Variants in FOXN2 observed in about 807,000 individuals in gnomAD.
FOXN2 encodes the protein forkhead box protein N2.
Under a neutral mutation model 41.2 loss-of-function variants are expected in FOXN2, and 19 were observed. The ratio of observed to expected loss-of-function variants is 0.46; its 90% CI spans 0.32 to 0.68. The LOEUF (loss-of-function observed/expected upper bound fraction) is 0.68. Among genes scored for constraint, FOXN2 ranks in the 30% least tolerant of loss-of-function variants. The pLI is 0.03. For missense variants in FOXN2, 587 were observed against 509.4 expected (o/e 1.15, Z -1.47); for synonymous variants, 195 against 176.8 (o/e 1.10, Z -0.82).
At chr2:48,345,809 A>G (rs1290180993) in intron 2 of FOXN2, among the ~76,000 whole-genome samples, 1 of 152,180 alleles carries the variant, frequency 6.6e-6, no homozygotes, top group Non-Finnish European at 1.5e-5. Context: ...TATATAGTAA[A>G]ATCATAGATT....
At chr2:48,360,302 A>G (rs1672086598) in intron 4 of FOXN2, among the ~76,000 whole-genome samples, 1 of 152,300 alleles carries the variant, frequency 6.6e-6, no homozygotes, top group Non-Finnish European at 1.5e-5. Flanking sequence ...TATAATGGCT[A>G]ACTTGTTTTT....
chr2:48,336,437 G>GTA (rs1312491760), intron 2 of FOXN2, among the ~76,000 whole-genome samples: 1 of 143,468 alleles, frequency 7.0e-6, no homozygotes. Context: ...ATATGTATAT[G>GTA]TGTGTGTGTG....
intron 3 of FOXN2, among the ~76,000 whole-genome samples, chr2:48,355,381 A>G (rs1278629618): frequency 6.6e-6 from 1 of 152,168 alleles, no homozygotes; most frequent in Non-Finnish European, 1.5e-5. Flanking sequence ...AAAAGGGATA[A>G]ATATAGAAAT....
chr2:48,330,388 G>A (rs1328166190), intron 2 of FOXN2, among the ~76,000 whole-genome samples: 3 of 152,168 alleles, frequency 2.0e-5, no homozygotes, highest in Non-Finnish European at 2.9e-5. Flanking sequence ...TAATTGCTAT[G>A]CAGCTTCCAT....
In FOXN2 at chr2:48,373,284, CT is replaced by C. The variant is rs1166979590; in HGVS notation, c.704-4del. Reference sequence around the variant, plus strand: ...GAACATTAATATTATTACTTTTTCCCTTTTCAGAATCTGATATTGATGCTGC... The same window carrying C: ...GAACATTAATATTATTACTTTTTCCCTTTCAGAATCTGATATTGATGCTGC... On this transcript the variant is annotated splice_polypyrimidine_tract_variant and splice_region_variant and intron_variant, in intron 5 of 6. Coordinates refer to ENST00000340553, the MANE Select transcript of FOXN2 (RefSeq NM_002158.4). The C allele has an allele frequency of 6.3e-7, 1 of 1,577,090 alleles. No individual in the cohort carries two copies. Among genetic ancestry groups the C allele is most frequent in the South Asian group, 1.1e-5 (1 of 88,022 alleles).
intron 1 of FOXN2, among the ~76,000 whole-genome samples, chr2:48,327,486 C>T (rs566162675): frequency 1.3e-5 from 2 of 151,906 alleles, no homozygotes; most frequent in Non-Finnish European, 2.9e-5. Flanking sequence ...ACTCTTATTG[C>T]CCAGGCTGCA....
At chr2:48,354,767 T>A (rs780681214) in intron 3 of FOXN2, among the ~76,000 whole-genome samples, 2 of 151,860 alleles carry the variant, frequency 1.3e-5, no homozygotes, top group Non-Finnish European at 2.9e-5. Flanking sequence ...AATAGAAAAA[T>A]GGGCAAGTAT....
At chr2:48,353,653 C>T (rs1297049348) in intron 3 of FOXN2, among the ~76,000 whole-genome samples, 3 of 150,934 alleles carry the variant, frequency 2.0e-5, no homozygotes, top group Non-Finnish European at 4.4e-5. Context: ...TTTAAAAGCT[C>T]AGCATCTTTT....
At chr2:48,323,846 TTATAG>T (rs1669495610) in intron 1 of FOXN2, among the ~76,000 whole-genome samples, 1 of 152,170 alleles carries the variant, frequency 6.6e-6, no homozygotes, top group African/African-American at 2.4e-5. Context: ...TCTAGAATTT[TTATAG>T]TATAGTTTCA....
chr2:48,365,085 G>A (rs7562816), intron 5 of FOXN2, among the ~76,000 whole-genome samples: 61,153 of 151,976 alleles, frequency 0.4, 12,694 homozygotes, highest in Non-Finnish European at 0.46. Context: ...TTTGGAGCCT[G>A]GAGACATTTT....
intron 5 of FOXN2, among the ~76,000 whole-genome samples, chr2:48,372,323 C>G (rs1672955896): frequency 6.6e-6 from 1 of 152,110 alleles, no homozygotes; most frequent in Non-Finnish European, 1.5e-5. Flanking sequence ...GAAAACAAGT[C>G]ATTATCTTCA....
intron 5 of FOXN2, among the ~76,000 whole-genome samples, chr2:48,364,905 C>T (rs572051300): frequency 3.7e-4 from 56 of 152,304 alleles, no homozygotes; most frequent in African/African-American, 1.2e-3. Flanking sequence ...TTTGTCATCC[C>T]TCAAATTAGA....
intron 3 of FOXN2, among the ~76,000 whole-genome samples, chr2:48,349,976 C>A (rs938144674): frequency 1.3e-5 from 2 of 152,256 alleles, no homozygotes; most frequent in Non-Finnish European, 2.9e-5. Flanking sequence ...GAGTCTGCAT[C>A]CACTAGCTAG....
intron 1 of FOXN2, among the ~76,000 whole-genome samples, chr2:48,317,340 T>A (rs923566406): frequency 6.6e-6 from 1 of 151,540 alleles, no homozygotes; most frequent in Non-Finnish European, 1.5e-5. Flanking sequence ...TCCCAGCTAC[T>A]CGTGAGGCTG....
At chr2:48,332,561 C>A (rs1670081788) in intron 2 of FOXN2, among the ~76,000 whole-genome samples, 1 of 152,200 alleles carries the variant, frequency 6.6e-6, no homozygotes, top group African/African-American at 2.4e-5. Flanking sequence ...TGAGGGAGAT[C>A]TATCCTTAAC....
At chr2:48,342,828 C>T (rs963963290) in intron 2 of FOXN2, among the ~76,000 whole-genome samples, 3 of 152,134 alleles carry the variant, frequency 2.0e-5, no homozygotes, top group Non-Finnish European at 2.9e-5. Flanking sequence ...AAGATAATGT[C>T]AGCACTTGGT....
Position 48,371,943 on chromosome 2 carries a change from T to G in FOXN2, c.704-1349T>G, listed in dbSNP as rs187850194. On this transcript the variant is annotated intron_variant, in intron 5 of 6. Coordinates refer to ENST00000340553, the MANE Select transcript of FOXN2 (RefSeq NM_002158.4). ...AAGAGTTTTTTGGTAGAATCTTTAG[T>G]TTTTTCTATATATAAGATCATGTTG... Among the ~76,000 whole-genome samples the G allele has an allele frequency of 2.0e-5, 3 of 152,272 alleles. No homozygotes were observed. In the East Asian group the frequency reaches 5.8e-4, roughly 29 times the overall value.
At chr2:48,315,624 T>TGCA (rs1338464472) in intron 1 of FOXN2, among the ~76,000 whole-genome samples, 2 of 152,248 alleles carry the variant, frequency 1.3e-5, no homozygotes, top group Non-Finnish European at 2.9e-5. Context: ...TTTGCCCCAC[T>TGCA]GCAGCAGCAG....
At position 48,359,213 on chromosome 2, in the gene FOXN2, T is replaced by G. The variant is rs1672008446; in HGVS notation, c.638+66T>G. 9 of 1,085,402 alleles carry G rather than the reference T, an allele frequency of 8.3e-6. No individual in the cohort carries two copies. In the South Asian group the frequency reaches 1.2e-4, roughly 14 times the overall value. The allele number at this position is 1,085,402 out of a possible 1,614,324, so 67.2% of individuals were successfully genotyped here. A position where few individuals can be genotyped will look rare whatever the true frequency, so the allele number is the denominator to read the frequency against. ...ATTTCACTGTGTGAGATGGAGAAAC[T>G]TAAAGGTCCAGGGTATTATGTTTCT... On this transcript the variant is annotated intron_variant, in intron 4 of 6. Coordinates refer to ENST00000340553, the MANE Select transcript of FOXN2 (RefSeq NM_002158.4).
Sources: allele counts gnomAD v4.1 joint callset (sites outside exome capture counted in the v4.1 genomes callset), GRCh38; gene constraint gnomAD v4.1.1; transcripts MANE v1.5; gene names NCBI Gene and HGNC (gene_info 2026-07-23, HGNC 2026-07-21).